The following HPSE2 variants were observed in gnomAD, a reference collection of about 807,000 sequenced individuals.
The protein encoded by HPSE2 is heparanase 2 (inactive).
HPSE2 carries 38 observed loss-of-function variants against 60.5 expected under a neutral mutation model. The ratio of observed to expected loss-of-function variants is 0.63; its 90% confidence interval spans 0.48 to 0.82. HPSE2 has a LOEUF of 0.82. Ranked by LOEUF, HPSE2 falls within the 40% of genes least tolerant of loss-of-function variation. The pLI, the probability that HPSE2 is intolerant of heterozygous loss-of-function variation, is 0.00. For synonymous variants in HPSE2, 295 were observed against 293.2 expected, an observed-to-expected ratio of 1.01 and a Z score of -0.06; for missense variants, 713 against 740.4, an observed-to-expected ratio of 0.96 and a Z score of 0.43.
chr10:98,701,486 G>A (rs1209372453), intron 5 of HPSE2, among the ~76,000 whole-genome samples: 1 of 115,526 alleles, frequency 8.7e-6, no homozygotes, highest in East Asian at 2.7e-4. Flanking sequence ...TCTGGGGACT[G>A]TTGTGGGGTG....
At chr10:98,814,248 GTTAT>G (rs145716025) in intron 3 of HPSE2, among the ~76,000 whole-genome samples, 6,958 of 151,568 alleles carry the variant, frequency 0.046, 490 homozygotes, top group African/African-American at 0.15. Context: ...TTATTTTCCA[GTTAT>G]TTGTGACTAA....
chr10:99,194,602 A>C (rs930043329), intron 2 of HPSE2, among the ~76,000 whole-genome samples: 1 of 151,954 alleles, frequency 6.6e-6, no homozygotes. Flanking sequence ...AATTCAAAAG[A>C]TAATTAGAGG....
chr10:98,538,645 T>C (rs1186353696), intron 9 of HPSE2, among the ~76,000 whole-genome samples: 1 of 152,118 alleles, frequency 6.6e-6, no homozygotes, highest in East Asian at 2.0e-4. Flanking sequence ...ACTCTGCTTT[T>C]GCTGCCTGGG....
At chr10:99,171,032 G>A (rs980350175) in intron 2 of HPSE2, among the ~76,000 whole-genome samples, 11 of 151,986 alleles carry the variant, frequency 7.2e-5, no homozygotes, top group Non-Finnish European at 1.3e-4. Flanking sequence ...CTTTTATATC[G>A]GGTACTTGAG....
rs148769171 is a variant in HPSE2 at position 98,839,800 on chromosome 10, G to A, written c.611-95744C>T. 3.3e-3 allele frequency among the ~76,000 whole-genome samples: 506 copies of A among 152,250 alleles called. 4 individuals carry two copies. The highest frequency in any genetic ancestry group is 0.011 in the African/African-American group (466 of 41,542). ...CTGTGGATCCCATAAATGGTAAAGC[G>A]TAGGGAAAGTGCTACCAGGATTCAC... On this transcript the variant is annotated intron_variant, in intron 3 of 11. Coordinates refer to ENST00000370552, the MANE Select transcript of HPSE2 (RefSeq NM_021828.5).
intron 9 of HPSE2, among the ~76,000 whole-genome samples, chr10:98,526,707 G>T (rs78411002): frequency 0.011 from 1,699 of 152,298 alleles, 25 homozygotes; most frequent in African/African-American, 0.037. Flanking sequence ...AAGAGTACAT[G>T]CAGGGTAGAG....
At chr10:98,747,737 C>T (rs1393669797) in intron 3 of HPSE2, among the ~76,000 whole-genome samples, 1 of 152,184 alleles carries the variant, frequency 6.6e-6, no homozygotes, top group Non-Finnish European at 1.5e-5. Flanking sequence ...CATCTCACTG[C>T]TCTGTGACAT....
the HPSE2 span, among the ~76,000 whole-genome samples, chr10:99,271,594 C>A: frequency 1.3e-5 from 2 of 152,256 alleles, no homozygotes; most frequent in South Asian, 4.1e-4. Context: ...AAATTCAATG[C>A]AATTCCTATC....
intron 3 of HPSE2, among the ~76,000 whole-genome samples, chr10:98,955,696 C>T (rs1164354660): frequency 6.6e-6 from 1 of 152,004 alleles, no homozygotes; most frequent in Non-Finnish European, 1.5e-5. Context: ...GCAAAGACAT[C>T]GAATCAACCC....
At chr10:98,724,847 GAC>G (rs1949028389) in intron 4 of HPSE2, among the ~76,000 whole-genome samples, 1 of 152,000 alleles carries the variant, frequency 6.6e-6, no homozygotes, top group Admixed American at 6.6e-5. Flanking sequence ...ACCAATAACA[GAC>G]AAACAGAGAG....
At chr10:98,459,775 G>A in intron 11 of HPSE2, 36 bp from the exon 12 acceptor site, 1 of 1,585,546 alleles carries the variant, frequency 6.3e-7, no homozygotes, top group Non-Finnish European at 8.6e-7. Context: ...ACTCATTATT[G>A]CATTATAAGG....
chr10:98,459,512 C>T lies in HPSE2; in HGVS notation c.*62G>A, dbSNP rs953676533. ...GGATGTCTGAAAACAGAGGATACTACTGGAGTGGAGGAGTGGAAGCAGCCC... is the reference window on the plus strand; with the variant it reads ...GGATGTCTGAAAACAGAGGATACTATTGGAGTGGAGGAGTGGAAGCAGCCC... On this transcript the variant is annotated 3_prime_UTR_variant, in exon 12 of 12. Coordinates refer to ENST00000370552, the MANE Select transcript of HPSE2 (RefSeq NM_021828.5). The T allele has an allele frequency of 5.8e-6, 9 of 1,546,882 alleles. No individual in the cohort carries two copies. The Admixed American group carries it at 6.7e-5, about 11-fold the overall frequency.
intron 3 of HPSE2, among the ~76,000 whole-genome samples, chr10:99,053,794 T>A (rs1309202729): frequency 2.4e-5 from 3 of 124,398 alleles, no homozygotes; most frequent in South Asian, 5.9e-4. Context: ...AGTGGTACAA[T>A]CTTGGTTCAC....
At chr10:98,829,907 G>A (rs547476582) in intron 3 of HPSE2, among the ~76,000 whole-genome samples, 28 of 152,128 alleles carry the variant, frequency 1.8e-4, no homozygotes, top group African/African-American at 6.7e-4. Flanking sequence ...TACATGTGCA[G>A]AATGTGCAGC....
Position 98,614,890 on chromosome 10 carries a change from T to C in HPSE2, c.1320+14A>G. 1.3e-6 allele frequency: 2 copies of C among 1,522,952 alleles called. No homozygotes were observed. The highest frequency in any genetic ancestry group is 1.1e-5 in the South Asian group (1 of 89,266). 94.3% of individuals were successfully genotyped at this position (1,522,952 alleles called of 1,614,324 possible). A position where few individuals can be genotyped will look rare whatever the true frequency, so the allele number is the denominator to read the frequency against. ...ACATGGAAAAGGGATTGGGAATCTT[T>C]ATCCCACACTTACTGGTAATGGGTT... On this transcript the variant is annotated intron_variant, in intron 9 of 11. Coordinates refer to ENST00000370552, the MANE Select transcript of HPSE2 (RefSeq NM_021828.5).
At chr10:99,010,377 T>C (rs1474607082) in intron 3 of HPSE2, among the ~76,000 whole-genome samples, 1 of 152,212 alleles carries the variant, frequency 6.6e-6, no homozygotes, top group African/African-American at 2.4e-5. Context: ...AATGATATAC[T>C]TTCCTGAGCT....
chr10:98,567,203 G>T (rs1445948233), intron 9 of HPSE2, among the ~76,000 whole-genome samples: 1 of 152,200 alleles, frequency 6.6e-6, no homozygotes. Flanking sequence ...CTACTGTAGT[G>T]TGAGACAGGA....
intron 6 of HPSE2, among the ~76,000 whole-genome samples, chr10:98,664,737 A>G (rs978321559): frequency 3.3e-5 from 5 of 152,186 alleles, no homozygotes; most frequent in African/African-American, 1.2e-4. Context: ...CTAGACACAA[A>G]TAAAGATCTT....
At chr10:99,249,839 C>A in the HPSE2 span, among the ~76,000 whole-genome samples, 10 of 152,042 alleles carry the variant, frequency 6.6e-5, no homozygotes, top group Non-Finnish European at 1.0e-4. Context: ...CTCATGAAAT[C>A]TGGTTGTTTA....
Sources: allele counts gnomAD v4.1 joint callset (sites outside exome capture counted in the v4.1 genomes callset), GRCh38; gene constraint gnomAD v4.1.1; transcripts MANE v1.5; gene names NCBI Gene and HGNC (gene_info 2026-07-23, HGNC 2026-07-21).